Variants in KDM5B observed in about 807,000 individuals in gnomAD.
KDM5B encodes lysine-specific demethylase 5B.
KDM5B carries 144 observed loss-of-function variants against 193.4 expected under a neutral mutation model. The observed-to-expected ratio is 0.74, with a 90% CI of 0.65 to 0.86. The LOEUF (loss-of-function observed/expected upper bound fraction) is 0.86, where lower values mean the gene tolerates loss of function less well. KDM5B is among the 40% of genes least tolerant of loss of function. The pLI, the probability that KDM5B is intolerant of heterozygous loss-of-function variation, is 0.00. For missense variants in KDM5B, 1,833 were observed against 1,886.9 expected (o/e 0.97, Z 0.53); for synonymous variants, 668 against 682.6 (o/e 0.98, Z 0.33).
At chr1:202,765,676 A>T (rs1656426800) in intron 5 of KDM5B, among the ~76,000 whole-genome samples, 1 of 152,196 alleles carries the variant, frequency 6.6e-6, no homozygotes, top group African/African-American at 2.4e-5. Context: ...TGAATCACTA[A>T]ATTTTTTTCC....
intron 1 of KDM5B, among the ~76,000 whole-genome samples, chr1:202,782,314 G>A (rs572204727): frequency 6.6e-6 from 1 of 152,268 alleles, no homozygotes; most frequent in Admixed American, 6.5e-5. Context: ...CTATCATACG[G>A]AACTAAAATA....
rs961397861 is a variant in KDM5B, at chr1:202,748,970, G to A, written c.1991C>T (p.Ala664Val). ...DMAIMIEDEK[A>V]LRETVRKLGV... The stretch of plus-strand genomic sequence containing the variant: ...CAATTTACGGACAGTTTCTCTTAAA[G>A]CTTTCTCATCCTCAATCATAATGGC... Residue 664 changes from alanine (A) to valine (V), a missense_variant, in exon 14 of 27, where the codon GCT becomes GTT. By Grantham distance (64) the Ala-to-Val change is moderately conservative. This residue lies in a region of KDM5B where 1,379 missense variants were observed against 1,349.6 expected (regional missense o/e 1.02). Coordinates refer to ENST00000367265, the MANE Select transcript of KDM5B (RefSeq NM_006618.5). 1.1e-5 allele frequency: 17 copies of A among 1,612,388 alleles called. No homozygotes were observed. Among genetic ancestry groups the A allele is most frequent in the Non-Finnish European group, 1.4e-5 (17 of 1,179,424 alleles).
chr1:202,764,014 C>T, intron 6 of KDM5B, 35 bp downstream of exon 6: 1 of 1,091,560 alleles, frequency 9.2e-7, no homozygotes, highest in South Asian at 1.4e-5. Flanking sequence ...ACTTTATTTA[C>T]TTTTTCTTTC....
At position 202,740,801 on chromosome 1, in the gene KDM5B, G is replaced by C; in HGVS notation, c.2957C>G (p.Ser986Ter). The C allele has an allele frequency of 6.2e-7, 1 of 1,610,518 alleles. No individual in the cohort carries two copies. Among genetic ancestry groups the C allele is most frequent in the Non-Finnish European group, 8.5e-7 (1 of 1,178,390 alleles). Residue 986 changes from serine to a stop codon, truncating the protein, a stop_gained, in exon 20 of 27, where the codon TCA (serine) becomes TGA (stop). Coordinates refer to ENST00000367265, the MANE Select transcript of KDM5B (RefSeq NM_006618.5). LOFTEE classifies it high-confidence loss of function. ...TACTGCCGTAGCAAGGCTATTCAAT[G>C]AATGTCGTGGCCTACAAAATGCAAA... ...KSLLKARPRH[S>*]LNSLATAVKE...
At chr1:202,800,164 C>T (rs1658015588) in intron 1 of KDM5B, among the ~76,000 whole-genome samples, 1 of 152,088 alleles carries the variant, frequency 6.6e-6, no homozygotes, top group Non-Finnish European at 1.5e-5. Flanking sequence ...ATGCCTCAGC[C>T]TCCCGAGTAG....
At chr1:202,734,620 CT>C (rs1163600807) in intron 22 of KDM5B, among the ~76,000 whole-genome samples, 3 of 152,190 alleles carry the variant, frequency 2.0e-5, no homozygotes, top group African/African-American at 7.2e-5. Flanking sequence ...GGGACTGTAA[CT>C]TTCAGTTAGT....
intron 23 of KDM5B, 93 bp from the exon 24 acceptor site, chr1:202,732,032 G>C: frequency 4.9e-6 from 3 of 616,822 alleles, no homozygotes; most frequent in East Asian, 3.9e-5. Flanking sequence ...ACCCAGGCAG[G>C]CAACCAGGGG....
chr1:202,780,221 C>A (rs961314810), intron 1 of KDM5B, among the ~76,000 whole-genome samples: 1 of 151,984 alleles, frequency 6.6e-6, no homozygotes, highest in East Asian at 1.9e-4. Context: ...CATGCTGTCA[C>A]CCAGGCTGGA....
chr1:202,756,526 C>T lies in KDM5B; in HGVS notation c.1198-10G>A, dbSNP rs375916696. 5 of 1,562,820 alleles carry T rather than the reference C, an allele frequency of 3.2e-6. No homozygotes were observed. The highest frequency in any genetic ancestry group is 4.3e-6 in the Non-Finnish European group (5 of 1,155,744). On this transcript the variant is annotated splice_polypyrimidine_tract_variant and intron_variant, in intron 9 of 26. Coordinates refer to ENST00000367265, the MANE Select transcript of KDM5B (RefSeq NM_006618.5). ...GCTCTGTGGGGACCATCTGGAAATA[C>T]AAGGAATAGAAAAAATGAGTTTCCT...
intron 22 of KDM5B, among the ~76,000 whole-genome samples, chr1:202,734,394 C>T (rs1655020937): frequency 7.2e-6 from 1 of 139,784 alleles, no homozygotes; most frequent in African/African-American, 2.7e-5. Context: ...ATATAATACA[C>T]AGGTAATATG....
intron 1 of KDM5B, among the ~76,000 whole-genome samples, chr1:202,798,774 C>T (rs1201228645): frequency 6.6e-6 from 1 of 152,110 alleles, no homozygotes; most frequent in Non-Finnish European, 1.5e-5. Context: ...GTAGTCCCAG[C>T]ACTTTGGGAA....
At chr1:202,732,041 G>GTA in intron 23 of KDM5B, 102 bp from the exon 24 acceptor site, 64 of 547,970 alleles carry the variant, frequency 1.2e-4, no homozygotes, top group Middle Eastern at 3.7e-4. Flanking sequence ...GGCAACCAGG[G>GTA]GAAAAAAAAA....
At chr1:202,777,783 G>A (rs553226822) in intron 1 of KDM5B, among the ~76,000 whole-genome samples, 125 of 152,224 alleles carry the variant, frequency 8.2e-4, no homozygotes, top group African/African-American at 2.9e-3. Context: ...ACAAGTGTGA[G>A]CCACTGAGCC....
intron 18 of KDM5B, among the ~76,000 whole-genome samples, chr1:202,741,946 T>C (rs1655361036): frequency 6.6e-6 from 1 of 151,788 alleles, no homozygotes; most frequent in African/African-American, 2.4e-5. Context: ...TCTTTTTTTT[T>C]TTTTCTGCAA....
At chr1:202,807,572 A>G (rs1571467749) in intron 1 of KDM5B, among the ~76,000 whole-genome samples, 1 of 151,778 alleles carries the variant, frequency 6.6e-6, no homozygotes, top group East Asian at 2.0e-4. Flanking sequence ...CGACGCCGCC[A>G]CCACACAAAG....
intron 1 of KDM5B, among the ~76,000 whole-genome samples, chr1:202,784,417 C>A (rs1325814691): frequency 6.6e-6 from 1 of 152,036 alleles, no homozygotes; most frequent in Non-Finnish European, 1.5e-5. Flanking sequence ...TCTATGAAAC[C>A]CAGTCATCAT....
chr1:202,808,396 C>G lies in KDM5B; in HGVS notation c.-91G>C. The G allele has an allele frequency of 4.1e-6, 5 of 1,206,114 alleles. No homozygotes were observed. Among genetic ancestry groups the G allele is most frequent in the South Asian group, 3.1e-5 (2 of 63,862 alleles). The allele number at this position is 1,206,114 out of a possible 1,614,324, so 74.7% of individuals were successfully genotyped here. Reference sequence around the variant, plus strand: ...GTCCGAGACCCGTGCAGACGCGGCTCGAGCAACAGCAAGTCCGAGTTGTAC... The same window carrying G: ...GTCCGAGACCCGTGCAGACGCGGCTGGAGCAACAGCAAGTCCGAGTTGTAC... On this transcript the variant is annotated 5_prime_UTR_variant, in exon 1 of 27. Coordinates refer to ENST00000367265, the MANE Select transcript of KDM5B (RefSeq NM_006618.5).
chr1:202,760,656 G>C (rs1230119658), intron 7 of KDM5B, 83 bp from the exon 8 acceptor site: 1 of 998,460 alleles, frequency 1.0e-6, no homozygotes, highest in Non-Finnish European at 1.5e-6. Flanking sequence ...AAATGGATCT[G>C]AGACATAATC....
chr1:202,746,330 TA>T lies in KDM5B; in HGVS notation c.2017-8del, dbSNP rs1251664377. 2 of 1,586,762 alleles carry T rather than the reference TA, an allele frequency of 1.3e-6. No individual in the cohort carries two copies. The highest frequency in any genetic ancestry group is 1.7e-6 in the Non-Finnish European group (2 of 1,167,200). Reference sequence around the variant, plus strand: ...TTTCCGAATCAATCACTCCCTAGAATAAAGTATACTTTAGAGAGACCTCCAA... The same window carrying T: ...TTTCCGAATCAATCACTCCCTAGAATAAGTATACTTTAGAGAGACCTCCAA... On this transcript the variant is annotated splice_polypyrimidine_tract_variant and splice_region_variant and intron_variant, in intron 14 of 26. Transcript: ENST00000367265.
Sources: allele counts gnomAD v4.1 joint callset (sites outside exome capture counted in the v4.1 genomes callset), GRCh38; gene constraint gnomAD v4.1.1; regional missense constraint gnomAD v4.1.1; transcripts MANE v1.5; gene names NCBI Gene and HGNC (gene_info 2026-07-23, HGNC 2026-07-21).